ELFN1: variants seen among roughly 807,000 people sequenced by gnomAD.
ELFN1 encodes the protein protein ELFN1.
A neutral mutation model predicts 7.6 loss-of-function variants in ELFN1; 6 were observed. The ratio of observed to expected loss-of-function variants is 0.79; its 90% CI spans 0.43 to 1.56. The LOEUF is 1.56. ELFN1 is among the 40% of genes most tolerant of loss of function. The pLI is 0.01. For missense variants in ELFN1, 1,169 were observed against 1,232.2 expected, an observed-to-expected ratio of 0.95 and a Z score of 0.77; for synonymous variants, 657 against 588.1, an observed-to-expected ratio of 1.12 and a Z score of -1.70.
At chr7:1,733,833 A>G (rs2128599760) in intron 3 of ELFN1, among the ~76,000 whole-genome samples, 1 of 152,216 alleles carries the variant, frequency 6.6e-6, no homozygotes, top group East Asian at 1.9e-4. Flanking sequence ...GACAGCCCAC[A>G]CGCCTGTGCA....
In ELFN1 at chr7:1,745,502, A is replaced by G. The variant is rs751913133; in HGVS notation, c.906A>G (p.Pro302=). Residue 302 remains proline (P), a synonymous_variant, in exon 4 of 4, where the codon CCA becomes CCG. Coordinates refer to ENST00000424383, the MANE Select transcript of ELFN1 (RefSeq NM_001128636.4). ...GCTTCTCCGGGGACGGCACCACGCCACTGGTGGCCCTGCCCACGCTGGCCA... is the reference window on the plus strand; with the variant it reads ...GCTTCTCCGGGGACGGCACCACGCCGCTGGTGGCCCTGCCCACGCTGGCCA... ...DECFSGDGTT[P]LVALPTLATQ... 6.5e-7 allele frequency: 1 copy of G among 1,544,752 alleles called. No individual in the cohort carries two copies. Among genetic ancestry groups the G allele is most frequent in the East Asian group, 2.4e-5 (1 of 40,932 alleles).
At chr7:1,724,674 A>G (rs543206414) in intron 3 of ELFN1, among the ~76,000 whole-genome samples, 1 of 152,198 alleles carries the variant, frequency 6.6e-6, no homozygotes, top group African/African-American at 2.4e-5. Context: ...CACTGACCAC[A>G]GCCTTGCCAG....
In ELFN1 at chr7:1,673,428, C is replaced by T. The variant is rs1005457905; in HGVS notation, c.-549+3074C>T. Among the ~76,000 whole-genome samples, 8 of 152,094 alleles carry T rather than the reference C, an allele frequency of 5.3e-5. No individual in the cohort carries two copies. The highest frequency in any genetic ancestry group is 1.3e-4 in the Admixed American group (2 of 15,270). ...TGCACCCTGAGCCAGTCAGTGGCAC[C>T]GACAGTAAACAGGAAGCAGGGTGGC... On this transcript the variant is annotated intron_variant, in intron 1 of 3. Coordinates refer to ENST00000424383, the MANE Select transcript of ELFN1 (RefSeq NM_001128636.4). The surrounding 1 kb of genome is among the most constrained non-coding windows in gnomAD (Gnocchi z 4.7).
At chr7:1,678,024 G>GT (rs1778904894) in intron 1 of ELFN1, among the ~76,000 whole-genome samples, 1 of 152,156 alleles carries the variant, frequency 6.6e-6, no homozygotes, top group Non-Finnish European at 1.5e-5. Flanking sequence ...TCTGAGGGCT[G>GT]TGAGTCCCCA....
chr7:1,679,804 T>G (rs903618048), intron 1 of ELFN1, among the ~76,000 whole-genome samples: 18 of 152,216 alleles, frequency 1.2e-4, no homozygotes, highest in African/African-American at 4.3e-4. Flanking sequence ...ACTCTGCCCC[T>G]GTCCTTGGCC....
chr7:1,716,566 C>T (rs1264539172), intron 3 of ELFN1, among the ~76,000 whole-genome samples: 2 of 152,234 alleles, frequency 1.3e-5, no homozygotes, highest in African/African-American at 2.4e-5. Context: ...TCCCCAGGTC[C>T]CCTGCATGTG....
chr7:1,672,015 T>C (rs973895186), intron 1 of ELFN1, among the ~76,000 whole-genome samples: 2 of 152,170 alleles, frequency 1.3e-5, no homozygotes, highest in African/African-American at 2.4e-5. Flanking sequence ...TTGGGGGCCA[T>C]GCCCCTCCCC....
intron 2 of ELFN1, among the ~76,000 whole-genome samples, chr7:1,708,011 C>G (rs961087254): frequency 1.3e-5 from 2 of 152,084 alleles, no homozygotes; most frequent in African/African-American, 4.8e-5. Flanking sequence ...CCAGCACCAA[C>G]CCCCCGCCTC....
chr7:1,715,363 CA>C, intron 3 of ELFN1, among the ~76,000 whole-genome samples: 1 of 152,316 alleles, frequency 6.6e-6, no homozygotes, highest in Middle Eastern at 3.4e-3. Flanking sequence ...GCCTCCACCC[CA>C]CACCTGGCTG....
At chr7:1,688,679 C>G (rs1010384698) in intron 2 of ELFN1, among the ~76,000 whole-genome samples, 4 of 152,130 alleles carry the variant, frequency 2.6e-5, no homozygotes, top group African/African-American at 9.7e-5. Context: ...GAGAATAATA[C>G]AGAGAGATCT....
rs117169381 is a variant in ELFN1 at position 1,713,788 on chromosome 7, C to T, written c.-294+4536C>T. ...TGTCCTTGCCAGCAGAGGTGCTGCT[C>T]AAGTGCAGGGCTGGCATCCCAGCGA... On this transcript the variant is annotated intron_variant, in intron 3 of 3. Transcript: ENST00000424383. 4.7e-3 allele frequency among the ~76,000 whole-genome samples: 714 copies of T among 152,334 alleles called. 6 individuals carry two copies. Among genetic ancestry groups the T allele is most frequent in the Middle Eastern group, 0.014 (4 of 294 alleles).
chr7:1,723,511 C>T (rs1780088381), intron 3 of ELFN1, among the ~76,000 whole-genome samples: 1 of 152,200 alleles, frequency 6.6e-6, no homozygotes, highest in African/African-American at 2.4e-5. Context: ...TTTTTCACTG[C>T]TGCATAGTAC....
rs1293645008 is a variant in ELFN1, at chr7:1,695,780, G to T, written c.-456+7630G>T. ...AAAAAAAAAAAAAAAAAACCGTGCT[G>T]GTTTGGTTTCACTGACTCCCATTCA... On this transcript the variant is annotated intron_variant, in intron 2 of 3. Coordinates refer to ENST00000424383, the MANE Select transcript of ELFN1 (RefSeq NM_001128636.4). The surrounding 1 kb of genome is among the most constrained non-coding windows in gnomAD (Gnocchi z 5.1). 6.7e-6 allele frequency among the ~76,000 whole-genome samples: 1 copy of T among 148,800 alleles called. No individual in the cohort carries two copies. The highest frequency in any genetic ancestry group is 1.5e-5 in the Non-Finnish European group (1 of 67,552).
At chr7:1,741,795 G>A (rs1453051290) in intron 3 of ELFN1, among the ~76,000 whole-genome samples, 2 of 152,152 alleles carry the variant, frequency 1.3e-5, no homozygotes, top group Non-Finnish European at 2.9e-5. Flanking sequence ...CTACCGAGGT[G>A]CCACCCACAC....
chr7:1,733,258 C>T (rs781607744), intron 3 of ELFN1, among the ~76,000 whole-genome samples: 11 of 152,174 alleles, frequency 7.2e-5, no homozygotes, highest in Non-Finnish European at 1.6e-4. Flanking sequence ...GCAGCCGGGA[C>T]ACCAGTCCCC....
At chr7:1,713,807 C>T (rs1418505669) in intron 3 of ELFN1, among the ~76,000 whole-genome samples, 2 of 152,202 alleles carry the variant, frequency 1.3e-5, no homozygotes, top group East Asian at 3.9e-4. Context: ...GGCTGGCATC[C>T]CAGCGACTCG....
intron 2 of ELFN1, among the ~76,000 whole-genome samples, chr7:1,708,183 A>C (rs1283951332): frequency 6.6e-6 from 1 of 152,184 alleles, no homozygotes. Flanking sequence ...ACCACACCCC[A>C]GCTGTGCGAC....
chr7:1,723,313 C>T (rs545950255), intron 3 of ELFN1, among the ~76,000 whole-genome samples: 21 of 152,336 alleles, frequency 1.4e-4, no homozygotes, highest in African/African-American at 4.6e-4. Flanking sequence ...ACCTCCACAA[C>T]GTTATCGTGA....
At chr7:1,711,639 G>A (rs1779661691) in intron 3 of ELFN1, among the ~76,000 whole-genome samples, 1 of 150,662 alleles carries the variant, frequency 6.6e-6, no homozygotes, top group Non-Finnish European at 1.5e-5. Flanking sequence ...TGAGACAAGG[G>A]AGAAAGCGCA....
Sources: gnomAD v4.1 joint callset for allele counts (sites outside exome capture counted in the v4.1 genomes callset) on GRCh38, gnomAD v4.1.1 for gene constraint, Gnocchi (gnomAD v3.1) non-coding constraint, MANE v1.5 for transcripts, NCBI Gene and HGNC (gene_info 2026-07-23, HGNC 2026-07-21) for gene names.